The following NXPH2 variants were observed in gnomAD, a reference collection of about 807,000 sequenced individuals.
NXPH2 encodes the protein neurexophilin-2.
Under a neutral mutation model 19.8 loss-of-function variants are expected in NXPH2, and 5 were observed. That is an observed-to-expected ratio of 0.25 (90% CI 0.13 to 0.53). NXPH2 has a LOEUF of 0.53. Among genes scored for constraint, NXPH2 ranks in the 20% least tolerant of loss-of-function variants. The pLI, the probability that NXPH2 is intolerant of heterozygous loss-of-function variation, is 0.96. For missense variants in NXPH2, 289 were observed against 322.8 expected (o/e 0.90, Z 0.80); for synonymous variants, 154 against 127.4 (o/e 1.21, Z -1.41).
At chr2:138,694,808 C>T (rs1680805133) in intron 1 of NXPH2, among the ~76,000 whole-genome samples, 1 of 152,168 alleles carries the variant, frequency 6.6e-6, no homozygotes, top group Non-Finnish European at 1.5e-5. Flanking sequence ...GTCAACCACA[C>T]AATCACAAAG....
chr2:138,756,512 T>C (rs917901063), intron 1 of NXPH2, among the ~76,000 whole-genome samples: 2 of 152,146 alleles, frequency 1.3e-5, no homozygotes, highest in African/African-American at 4.8e-5. Flanking sequence ...CCCCAGCTAT[T>C]TAAAAAAGTA....
rs531400503 is a variant in NXPH2, at chr2:138,718,794, T to C, written c.52-47129A>G. On this transcript the variant is annotated intron_variant, in intron 1 of 1. Coordinates refer to ENST00000272641, the MANE Select transcript of NXPH2 (RefSeq NM_007226.3). ...ATAAAAGCATAATCCCATTAATGCC[T>C]TTTTAAAGTTGGTTCAAAAGCTTTG... 2.5e-3 allele frequency among the ~76,000 whole-genome samples: 380 copies of C among 152,332 alleles called. 5 individuals carry two copies. Among genetic ancestry groups the C allele is most frequent in the Non-Finnish European group, 3.7e-3 (254 of 68,010 alleles).
At chr2:138,723,775 C>T (rs908371323) in intron 1 of NXPH2, among the ~76,000 whole-genome samples, 7 of 152,202 alleles carry the variant, frequency 4.6e-5, no homozygotes, top group African/African-American at 1.4e-4. Context: ...ACAGCTGTTA[C>T]TTCATGACAG....
At chr2:138,741,242 A>C (rs963000778) in intron 1 of NXPH2, among the ~76,000 whole-genome samples, 1 of 152,150 alleles carries the variant, frequency 6.6e-6, no homozygotes, top group Non-Finnish European at 1.5e-5. Flanking sequence ...GCGTTAGTCC[A>C]TGGCAGTATA....
At chr2:138,689,426 T>G (rs1331845849) in intron 1 of NXPH2, among the ~76,000 whole-genome samples, 1 of 151,688 alleles carries the variant, frequency 6.6e-6, no homozygotes, top group East Asian at 1.9e-4. Flanking sequence ...ATTAACAGAG[T>G]AGGGGAGAGA....
rs191479598 is a variant in NXPH2, at chr2:138,744,397, T to C, written c.51+35794A>G. On this transcript the variant is annotated intron_variant, in intron 1 of 1. Transcript: ENST00000272641. Reference sequence around the variant, plus strand: ...AGAGGGAGGGAATGAGAGAGAATAGTAATGCATTGTTATCTTTGGTTCTAG... The same window carrying C: ...AGAGGGAGGGAATGAGAGAGAATAGCAATGCATTGTTATCTTTGGTTCTAG... Among the ~76,000 whole-genome samples, 776 of 152,180 alleles carry C rather than the reference T, an allele frequency of 5.1e-3. 6 individuals carry two copies. Among genetic ancestry groups the C allele is most frequent in the Non-Finnish European group, 8.9e-3 (603 of 67,988 alleles).
chr2:138,716,694 T>C (rs979549753), intron 1 of NXPH2, among the ~76,000 whole-genome samples: 15 of 152,170 alleles, frequency 9.9e-5, no homozygotes, highest in Non-Finnish European at 7.4e-5. Flanking sequence ...TTCCACCCAA[T>C]TGACTGATGT....
intron 1 of NXPH2, among the ~76,000 whole-genome samples, chr2:138,728,796 C>T (rs551959871): frequency 3.7e-4 from 56 of 152,266 alleles, no homozygotes; most frequent in African/African-American, 1.3e-3. Flanking sequence ...AGTAAAATGG[C>T]ACACATCAGT....
chr2:138,719,824 A>G (rs1284803882), intron 1 of NXPH2, among the ~76,000 whole-genome samples: 1 of 152,042 alleles, frequency 6.6e-6, no homozygotes, highest in African/African-American at 2.4e-5. Flanking sequence ...GAATGGAAAC[A>G]CTCTCATTTT....
intron 1 of NXPH2, among the ~76,000 whole-genome samples, chr2:138,734,700 G>A (rs1254452536): frequency 6.6e-6 from 1 of 152,222 alleles, no homozygotes; most frequent in Non-Finnish European, 1.5e-5. Flanking sequence ...ACAAGACTTG[G>A]TGGCTGATGG....
intron 1 of NXPH2, among the ~76,000 whole-genome samples, chr2:138,702,134 TC>T (rs1275960807): frequency 1.3e-5 from 2 of 152,152 alleles, no homozygotes; most frequent in Non-Finnish European, 2.9e-5. Context: ...CTTCTTTCTT[TC>T]TTACAGGGTC....
chr2:138,746,465 T>C (rs952063660), intron 1 of NXPH2, among the ~76,000 whole-genome samples: 4 of 152,170 alleles, frequency 2.6e-5, no homozygotes, highest in Non-Finnish European at 5.9e-5. Flanking sequence ...AGACAGAGGA[T>C]GAATGGTGAC....
Position 138,742,590 on chromosome 2 carries a change from G to T in NXPH2, c.51+37601C>A, listed in dbSNP as rs72973262. Among the ~76,000 whole-genome samples, 758 of 152,252 alleles carry T rather than the reference G, an allele frequency of 5.0e-3. 8 individuals carry two copies. Among genetic ancestry groups the T allele is most frequent in the African/African-American group, 0.014 (584 of 41,530 alleles). ...CGGTAACAGCAGTAGATCCCATGAT[G>T]TATGAAAGTGACAGGTGTACAGGAC... On this transcript the variant is annotated intron_variant, in intron 1 of 1. Coordinates refer to ENST00000272641, the MANE Select transcript of NXPH2 (RefSeq NM_007226.3).
chr2:138,719,778 A>G lies in NXPH2; in HGVS notation c.52-48113T>C, dbSNP rs188004185. Among the ~76,000 whole-genome samples the G allele has an allele frequency of 3.4e-3, 522 of 152,322 alleles. 4 individuals carry two copies. The highest frequency in any genetic ancestry group is 5.6e-3 in the Non-Finnish European group (379 of 68,026). The stretch of plus-strand genomic sequence containing the variant: ...TTAGTCTTTATTTTTTCATAGCCAA[A>G]TAATGCCAGTATTATTTATTAAACT... On this transcript the variant is annotated intron_variant, in intron 1 of 1. Transcript: ENST00000272641.
At chr2:138,688,761 A>G (rs1445674180) in intron 1 of NXPH2, among the ~76,000 whole-genome samples, 2 of 152,184 alleles carry the variant, frequency 1.3e-5, no homozygotes, top group East Asian at 3.9e-4. Context: ...CAGCTTCAAA[A>G]CAGTTCATGG....
At chr2:138,677,579 G>A (rs1680503373) in intron 1 of NXPH2, among the ~76,000 whole-genome samples, 1 of 152,060 alleles carries the variant, frequency 6.6e-6, no homozygotes, top group African/African-American at 2.4e-5. Flanking sequence ...TTGTTTTTAG[G>A]GGGGAAAAGC....
chr2:138,711,529 C>A (rs1284142732), intron 1 of NXPH2, among the ~76,000 whole-genome samples: 1 of 152,150 alleles, frequency 6.6e-6, no homozygotes, highest in Non-Finnish European at 1.5e-5. Context: ...GCTTGCAAAC[C>A]TGTGTCTGCC....
chr2:138,721,439 G>A (rs1573966322), intron 1 of NXPH2, among the ~76,000 whole-genome samples: 1 of 151,982 alleles, frequency 6.6e-6, no homozygotes, highest in East Asian at 1.9e-4. Context: ...GCTAGGTCAT[G>A]AAATCATGAT....
At chr2:138,719,124 A>G (rs1217772026) in intron 1 of NXPH2, among the ~76,000 whole-genome samples, 1 of 152,244 alleles carries the variant, frequency 6.6e-6, no homozygotes, top group Non-Finnish European at 1.5e-5. Flanking sequence ...CTTTATTAAT[A>G]AAAGATTACT....
Sources: allele counts gnomAD v4.1 joint callset (sites outside exome capture counted in the v4.1 genomes callset), GRCh38; gene constraint gnomAD v4.1.1; transcripts MANE v1.5; gene names NCBI Gene and HGNC (gene_info 2026-07-23, HGNC 2026-07-21).